Variants in FAM120B observed in about 807,000 individuals in gnomAD.
FAM120B encodes the protein family with sequence similarity 120 member B.
In FAM120B, 83 loss-of-function variants were observed where a neutral mutation model predicts 96.3. The observed-to-expected ratio is 0.86, with a 90% CI of 0.72 to 1.03. The LOEUF (loss-of-function observed/expected upper bound fraction) is 1.03. Ranked by LOEUF, FAM120B falls within the 50% of genes least tolerant of loss-of-function variation. The probability of loss-of-function intolerance (pLI) is 0.00; values close to 1 mark genes in which losing one functional copy is unlikely to be tolerated. For missense variants in FAM120B, 1,027 were observed against 1,121.2 expected (o/e 0.92, Z 1.20); for synonymous variants, 407 against 402.7 (o/e 1.01, Z -0.13).
chr6:170,316,641 A>G (rs973102353), intron 1 of FAM120B, among the ~76,000 whole-genome samples: 4 of 152,212 alleles, frequency 2.6e-5, no homozygotes, highest in African/African-American at 9.6e-5. Context: ...AGATACTACA[A>G]CATTTGGCAT....
intron 4 of FAM120B, 60 bp from the exon 5 acceptor site, chr6:170,348,091 A>G (rs1352190237): frequency 7.5e-7 from 1 of 1,329,016 alleles, no homozygotes; most frequent in African/African-American, 1.5e-5. Context: ...TTCTACAAGG[A>G]GCATATTATA....
At chr6:170,326,561 A>G (rs1466348158) in intron 3 of FAM120B, among the ~76,000 whole-genome samples, 1 of 152,186 alleles carries the variant, frequency 6.6e-6, no homozygotes, top group Non-Finnish European at 1.5e-5. Flanking sequence ...GAAGGGTCAG[A>G]TAATAATAAA....
upstream of FAM120B, among the ~76,000 whole-genome samples, chr6:170,294,880 T>C (rs1446817452): frequency 6.6e-6 from 1 of 152,188 alleles, no homozygotes; most frequent in African/African-American, 2.4e-5. This position sits in a 1 kb window ranked among gnomAD's most constrained non-coding sequence, Gnocchi z 7.9. Context: ...GGTTCTCTTA[T>C]TCGTAAGAAG....
At chr6:170,332,368 G>A (rs184152829) in intron 4 of FAM120B, among the ~76,000 whole-genome samples, 1 of 152,190 alleles carries the variant, frequency 6.6e-6, no homozygotes, top group South Asian at 2.1e-4. Context: ...CCAATTGCCT[G>A]TCAAGTATTC....
chr6:170,302,325 G>A (rs1309651184), upstream of FAM120B, among the ~76,000 whole-genome samples: 1 of 152,160 alleles, frequency 6.6e-6, no homozygotes, highest in African/African-American at 2.4e-5. Flanking sequence ...ACAGCATGGA[G>A]GTAACCGCCC....
chr6:170,312,952 T>G (rs1784676951), intron 1 of FAM120B, among the ~76,000 whole-genome samples: 1 of 152,314 alleles, frequency 6.6e-6, no homozygotes, highest in Non-Finnish European at 1.5e-5. Flanking sequence ...CTCTTTAAAC[T>G]GACTTAACAG....
At chr6:170,366,618 G>A (rs912555828) in intron 6 of FAM120B, among the ~76,000 whole-genome samples, 2 of 152,214 alleles carry the variant, frequency 1.3e-5, no homozygotes, top group Admixed American at 6.5e-5. Flanking sequence ...AGAGAGCTCA[G>A]GGCCAGCATG....
intron 6 of FAM120B, among the ~76,000 whole-genome samples, chr6:170,361,360 T>C (rs1252030982): frequency 1.3e-5 from 2 of 151,084 alleles, no homozygotes; most frequent in Non-Finnish European, 2.9e-5. Context: ...TTTACCTACA[T>C]AGAAATACAT....
rs541065111 is a variant in FAM120B at position 170,348,474 on chromosome 6, A to C, written c.2190+151A>C. The C allele has an allele frequency of 1.2e-5, 8 of 640,564 alleles. 1 individual carries two copies. The South Asian group carries it at 2.0e-4, about 16-fold the overall frequency. The allele number at this position is 640,564 out of a possible 1,614,324, so 39.7% of individuals were successfully genotyped here. ...ATTAGTCCTTTGAAGTGCTCTAAAA[A>C]TAAAAAGAAGATTGTATGGCAAAAT... is the stretch of plus-strand genomic sequence containing the variant. On this transcript the variant is annotated intron_variant, in intron 5 of 10. Coordinates refer to ENST00000476287, the MANE Select transcript of FAM120B (RefSeq NM_032448.3).
At chr6:170,352,200 A>C (rs960072394) in intron 5 of FAM120B, among the ~76,000 whole-genome samples, 1 of 152,236 alleles carries the variant, frequency 6.6e-6, no homozygotes, top group African/African-American at 2.4e-5. Context: ...AGAGTATTAC[A>C]TAATGGTAGA....
At chr6:170,344,266 G>A (rs561894125) in intron 4 of FAM120B, among the ~76,000 whole-genome samples, 78 of 101,548 alleles carry the variant, frequency 7.7e-4, no homozygotes, top group African/African-American at 3.1e-3. Flanking sequence ...GGATGAAATC[G>A]TTCAGTCCAT....
chr6:170,401,065 C>T (rs1399531154), intron 9 of FAM120B, among the ~76,000 whole-genome samples: 1 of 152,202 alleles, frequency 6.6e-6, no homozygotes, highest in African/African-American at 2.4e-5. Context: ...TTCTCATCCT[C>T]ATGCAAATTA....
intron 6 of FAM120B, among the ~76,000 whole-genome samples, chr6:170,364,594 A>T (rs562881361): frequency 2.3e-4 from 35 of 152,356 alleles, no homozygotes; most frequent in African/African-American, 8.2e-4. Context: ...TGGTTCAGCA[A>T]AGTGTTTGTG....
At position 170,335,036 on chromosome 6, in the gene FAM120B, T is replaced by G. The variant is rs201960496; in HGVS notation, c.2017+4486T>G. 9.7e-3 allele frequency among the ~76,000 whole-genome samples: 1,381 copies of G among 142,206 alleles called. 62 individuals carry two copies. The East Asian group carries it at 0.11, about 12-fold the overall frequency. 93.3% of individuals were successfully genotyped at this position (142,206 alleles called of 152,430 possible). A position where few individuals can be genotyped will look rare whatever the true frequency, so the allele number is the denominator to read the frequency against. On this transcript the variant is annotated intron_variant, in intron 4 of 10. Coordinates refer to ENST00000476287, the MANE Select transcript of FAM120B (RefSeq NM_032448.3). Reference sequence around the variant, plus strand: ...ATGTGCGTAGTCAGGGTTTTTTGAGTTTTTTTTTTGTTTTTTTTTTTAATG... The same window carrying G: ...ATGTGCGTAGTCAGGGTTTTTTGAGGTTTTTTTTTGTTTTTTTTTTTAATG...
At chr6:170,293,389 A>G (rs57618361), upstream of FAM120B, among the ~76,000 whole-genome samples, 106 of 152,282 alleles carry the variant, frequency 7.0e-4, no homozygotes, top group East Asian at 0.019. Flanking sequence ...GGAAATAAAA[A>G]GTTCCACGCG....
intron 6 of FAM120B, among the ~76,000 whole-genome samples, chr6:170,366,068 A>G (rs1180931101): frequency 6.6e-6 from 1 of 152,136 alleles, no homozygotes; most frequent in East Asian, 1.9e-4. Context: ...AAAAATAGAT[A>G]AATAAGCAAA....
chr6:170,361,253 TAC>T (rs1177689266), intron 6 of FAM120B, among the ~76,000 whole-genome samples: 2 of 137,466 alleles, frequency 1.5e-5, no homozygotes, highest in African/African-American at 5.3e-5. Flanking sequence ...TATATATATA[TAC>T]GTGTATATAT....
At chr6:170,398,388 G>C (rs1478061449) in intron 9 of FAM120B, among the ~76,000 whole-genome samples, 1 of 152,216 alleles carries the variant, frequency 6.6e-6, no homozygotes, top group Non-Finnish European at 1.5e-5. Context: ...ACTCTTAGGA[G>C]TGAGTGGGGA....
chr6:170,358,453 A>G lies in FAM120B; in HGVS notation c.2283+135A>G, dbSNP rs1382875801. 14 of 668,756 alleles carry G rather than the reference A, an allele frequency of 2.1e-5. No homozygotes were observed. In the East Asian group the frequency reaches 3.9e-4, roughly 18 times the overall value. 41.4% of individuals were successfully genotyped at this position (668,756 alleles called of 1,614,324 possible). A position where few individuals can be genotyped will look rare whatever the true frequency, so the allele number is the denominator to read the frequency against. ...AGTCAGGATCTTTTCGTGATGCAGT[A>G]GTTTGTCTTCGTCTCTTTAATGGCT... On this transcript the variant is annotated intron_variant, in intron 6 of 10. Coordinates refer to ENST00000476287, the MANE Select transcript of FAM120B (RefSeq NM_032448.3).
Sources: gnomAD v4.1 joint callset for allele counts (sites outside exome capture counted in the v4.1 genomes callset) on GRCh38, gnomAD v4.1.1 for gene constraint, Gnocchi (gnomAD v3.1) non-coding constraint, MANE v1.5 for transcripts, NCBI Gene and HGNC (gene_info 2026-07-23, HGNC 2026-07-21) for gene names.